Variants in TNPO1 observed in about 807,000 individuals in gnomAD.
The protein encoded by TNPO1 is transportin 1, also known as transportin-1.
In TNPO1, 8 loss-of-function variants were observed where a neutral mutation model predicts 119.5. The ratio of observed to expected loss-of-function variants is 0.07; its 90% CI spans 0.04 to 0.12. The LOEUF (loss-of-function observed/expected upper bound fraction) is 0.12, where lower values mean the gene tolerates loss of function less well. Among genes scored for constraint, TNPO1 ranks in the 10% least tolerant of loss-of-function variants. TNPO1 has a pLI of 1.00. For synonymous variants in TNPO1, 362 were observed against 363.0 expected (o/e 1.00, Z 0.03); for missense variants, 576 against 1,089.8 (o/e 0.53, Z 6.64).
At chr5:72,883,406 C>T (rs755034724) in intron 11 of TNPO1, among the ~76,000 whole-genome samples, 174 bp downstream of exon 11, 7 of 152,158 alleles carry the variant, frequency 4.6e-5, no homozygotes, top group Non-Finnish European at 7.4e-5. Context: ...GTTTTCATCA[C>T]CCATACCCTT....
intron 11 of TNPO1, among the ~76,000 whole-genome samples, chr5:72,886,011 C>T (rs531978185): frequency 3.9e-5 from 6 of 152,198 alleles, no homozygotes; most frequent in South Asian, 2.1e-4. Context: ...CCTACAGTAA[C>T]GACATTAACC....
intron 11 of TNPO1, among the ~76,000 whole-genome samples, chr5:72,883,608 A>ATT (rs1233157952): frequency 6.6e-6 from 1 of 152,200 alleles, no homozygotes; most frequent in Non-Finnish European, 1.5e-5. Flanking sequence ...GTGAAATAAT[A>ATT]TTTCATTGTA....
intron 11 of TNPO1, among the ~76,000 whole-genome samples, 182 bp from the exon 12 acceptor site, chr5:72,886,888 C>CAAAAAAAAAAAAAAAAAAA (rs5868651): frequency 1.4e-5 from 1 of 70,376 alleles, no homozygotes. Context: ...GACTCCATCT[C>CAAAAAAAAAAAAAAAAAAA]AAAAAAAAAA....
At chr5:72,871,296 G>A (rs1481978075) in intron 6 of TNPO1, among the ~76,000 whole-genome samples, 3 of 152,120 alleles carry the variant, frequency 2.0e-5, no homozygotes, top group Non-Finnish European at 4.4e-5. Flanking sequence ...TTTATAGAAT[G>A]AGAAAAACAC....
intron 19 of TNPO1, 143 bp downstream of exon 19, chr5:72,896,699 G>T: frequency 1.7e-6 from 1 of 575,354 alleles, no homozygotes; most frequent in Non-Finnish European, 3.0e-6. Flanking sequence ...GTGAAACCCC[G>T]TCTCTACTAA....
rs139884882 is a variant in TNPO1 at position 72,875,896 on chromosome 5, A to T, written c.801+159A>T. 2.0e-3 allele frequency among the ~76,000 whole-genome samples: 303 copies of T among 152,242 alleles called. 3 individuals carry two copies. Among genetic ancestry groups the T allele is most frequent in the African/African-American group, 7.1e-3 (293 of 41,540 alleles). The stretch of plus-strand genomic sequence containing the variant: ...TGGGGAGTTTTGTATTTCTGGGTAT[A>T]GTTGTACATACTGTATAACTTTGGA... On this transcript the variant is annotated intron_variant, in intron 8 of 24. Transcript: ENST00000337273.
At chr5:72,886,916 A>G (rs4235663) in intron 11 of TNPO1, among the ~76,000 whole-genome samples, 154 bp from the exon 12 acceptor site, 67,691 of 144,928 alleles carry the variant, frequency 0.47, 17,006 homozygotes, top group Admixed American at 0.59. Flanking sequence ...AAAAAACCAC[A>G]AAATGTTTTC....
chr5:72,848,778 C>T (rs1308631376), intron 2 of TNPO1, among the ~76,000 whole-genome samples: 5 of 148,138 alleles, frequency 3.4e-5, no homozygotes, highest in Non-Finnish European at 6.0e-5. Flanking sequence ...CCCCGGCCGC[C>T]GCCCGGGATC....
intron 9 of TNPO1, among the ~76,000 whole-genome samples, chr5:72,881,142 A>T (rs114135296): frequency 6.6e-6 from 1 of 151,574 alleles, no homozygotes; most frequent in Admixed American, 6.6e-5. Context: ...ATGGAGTCGC[A>T]CTCTGTTTCC....
intron 4 of TNPO1, among the ~76,000 whole-genome samples, chr5:72,857,823 A>C (rs1201428645): frequency 6.6e-6 from 1 of 152,246 alleles, no homozygotes; most frequent in Non-Finnish European, 1.5e-5. Flanking sequence ...TAATAATACT[A>C]GGGAGAGAAG....
intron 11 of TNPO1, among the ~76,000 whole-genome samples, chr5:72,885,276 A>G (rs929900708): frequency 1.3e-5 from 2 of 152,252 alleles, no homozygotes; most frequent in Middle Eastern, 3.2e-3. Flanking sequence ...CTGGGACCCA[A>G]GTCTCACTTG....
At chr5:72,829,027 A>G (rs1405421258) in intron 1 of TNPO1, among the ~76,000 whole-genome samples, 1 of 152,292 alleles carries the variant, frequency 6.6e-6, no homozygotes, top group African/African-American at 2.4e-5. Context: ...AGAAAGGTAA[A>G]ACAACTTGGA....
At chr5:72,875,825 G>C (rs1057382260) in intron 8 of TNPO1, 88 bp downstream of exon 8, 150 of 1,414,072 alleles carry the variant, frequency 1.1e-4, no homozygotes, top group Non-Finnish European at 1.4e-4. Flanking sequence ...ATGGGAAGGG[G>C]ACTATAAAAT....
intron 8 of TNPO1, among the ~76,000 whole-genome samples, chr5:72,876,997 A>T (rs1747839631): frequency 6.7e-6 from 1 of 149,674 alleles, no homozygotes; most frequent in Non-Finnish European, 1.5e-5. Flanking sequence ...CGGGAGGCTG[A>T]GGCAGGAGAA....
chr5:72,906,149 G>C (rs971328111), intron 24 of TNPO1, among the ~76,000 whole-genome samples: 3 of 151,772 alleles, frequency 2.0e-5, no homozygotes, highest in African/African-American at 7.3e-5. Flanking sequence ...TATAGTCTCT[G>C]CTGTAACAAG....
intron 1 of TNPO1, among the ~76,000 whole-genome samples, chr5:72,835,193 C>T (rs948261394): frequency 3.9e-5 from 6 of 152,162 alleles, no homozygotes; most frequent in African/African-American, 7.2e-5. Context: ...AGTTTTTGCC[C>T]GTATACAATT....
intron 20 of TNPO1, among the ~76,000 whole-genome samples, chr5:72,897,403 C>G (rs1749509343): frequency 6.6e-6 from 1 of 152,002 alleles, no homozygotes; most frequent in African/African-American, 2.4e-5. Context: ...ATACTTCCTG[C>G]AATGGATCCC....
chr5:72,886,285 G>A lies in TNPO1; in HGVS notation c.1151-785G>A, dbSNP rs561125212. Among the ~76,000 whole-genome samples the A allele has an allele frequency of 5.3e-5, 8 of 152,270 alleles. No homozygotes were observed. The East Asian group carries it at 1.3e-3, about 26-fold the overall frequency. On this transcript the variant is annotated intron_variant, in intron 11 of 24. Transcript: ENST00000337273. ...TTCTAGCATGCGTTATGTTTCATGTGCCAGTGACTTTTCTTCCAGTTTTTG... is the reference window on the plus strand; with the variant it reads ...TTCTAGCATGCGTTATGTTTCATGTACCAGTGACTTTTCTTCCAGTTTTTG...
In TNPO1 at chr5:72,890,778, CTGTG is replaced by C. The variant is rs148391627; in HGVS notation, c.1701+823_1701+826del. Among the ~76,000 whole-genome samples the C allele has an allele frequency of 2.9e-3, 447 of 152,246 alleles. 2 individuals are homozygous for C. The highest frequency in any genetic ancestry group is 0.01 in the African/African-American group (426 of 41,548). On this transcript the variant is annotated intron_variant, in intron 14 of 24. Coordinates refer to ENST00000337273, the MANE Select transcript of TNPO1 (RefSeq NM_002270.4). The stretch of plus-strand genomic sequence containing the variant: ...TAAGTTTGTTTTTCTACAAAAGCAT[CTGTG>C]TAAGTTTACCTGTTGATTTAAAAAT...
Sources: gnomAD v4.1 joint callset for allele counts (sites outside exome capture counted in the v4.1 genomes callset) on GRCh38, gnomAD v4.1.1 for gene constraint, MANE v1.5 for transcripts, NCBI Gene and HGNC (gene_info 2026-07-23, HGNC 2026-07-21) for gene names.